The following KIF16B variants were observed in gnomAD, a reference collection of about 807,000 sequenced individuals.
KIF16B encodes kinesin-like protein KIF16B.
KIF16B carries 98 observed loss-of-function variants against 156.3 expected under a neutral mutation model. The ratio of observed to expected loss-of-function variants is 0.63; its 90% confidence interval spans 0.53 to 0.74. The LOEUF (loss-of-function observed/expected upper bound fraction) is 0.74, where lower values mean the gene tolerates loss of function less well. Ranked by LOEUF, KIF16B falls within the 30% of genes least tolerant of loss-of-function variation. KIF16B has a pLI of 0.00. For missense variants in KIF16B, 1,421 were observed against 1,606.5 expected, an observed-to-expected ratio of 0.88 and a Z score of 1.97; for synonymous variants, 564 against 583.7, an observed-to-expected ratio of 0.97 and a Z score of 0.49.
intron 17 of KIF16B, among the ~76,000 whole-genome samples, chr20:16,393,497 C>A (rs906693305): frequency 6.6e-6 from 1 of 152,272 alleles, no homozygotes; most frequent in South Asian, 2.1e-4. Flanking sequence ...TGGAAGCCAG[C>A]CATTGCAGGT....
chr20:16,482,582 T>C (rs2068010411), intron 12 of KIF16B, among the ~76,000 whole-genome samples: 1 of 152,172 alleles, frequency 6.6e-6, no homozygotes, highest in Admixed American at 6.5e-5. Context: ...ACACAGAATT[T>C]GTTGTGTGCC....
chr20:16,289,745 G>A (rs1362241747), intron 25 of KIF16B, among the ~76,000 whole-genome samples: 1 of 152,178 alleles, frequency 6.6e-6, no homozygotes, highest in Admixed American at 6.5e-5. Flanking sequence ...GGAGGCTGAG[G>A]CAGGAGAATG....
At chr20:16,386,010 A>C (rs963227439) in intron 17 of KIF16B, among the ~76,000 whole-genome samples, 4 of 152,168 alleles carry the variant, frequency 2.6e-5, no homozygotes, top group Non-Finnish European at 5.9e-5. Context: ...ATGTTTACAA[A>C]GGGTCATCCA....
chr20:16,445,834 T>G (rs979006617), intron 12 of KIF16B, among the ~76,000 whole-genome samples: 1 of 152,226 alleles, frequency 6.6e-6, no homozygotes, highest in African/African-American at 2.4e-5. Context: ...AGAGTAATTT[T>G]ATAAACATTG....
At chr20:16,455,443 C>A (rs969979916) in intron 12 of KIF16B, among the ~76,000 whole-genome samples, 2 of 151,584 alleles carry the variant, frequency 1.3e-5, no homozygotes, top group African/African-American at 4.8e-5. Flanking sequence ...CTCTGGTAAT[C>A]AGGTGAAGGT....
At chr20:16,500,642 G>A (rs553105335) in intron 10 of KIF16B, among the ~76,000 whole-genome samples, 10 of 152,056 alleles carry the variant, frequency 6.6e-5, no homozygotes, top group South Asian at 4.1e-4. Context: ...ACCCTTTGTC[G>A]TGATAAAGTG....
intron 24 of KIF16B, among the ~76,000 whole-genome samples, chr20:16,330,608 C>T (rs2063931203): frequency 6.6e-6 from 1 of 152,212 alleles, no homozygotes; most frequent in Admixed American, 6.5e-5. Flanking sequence ...CCCAAATATT[C>T]ATCAACAGGA....
At chr20:16,363,299 T>C (rs557980687) in intron 22 of KIF16B, among the ~76,000 whole-genome samples, 1 of 152,182 alleles carries the variant, frequency 6.6e-6, no homozygotes, top group East Asian at 1.9e-4. Context: ...GCTTCAGAGG[T>C]AGAAGGCAAT....
rs773540588 is a variant in KIF16B, at chr20:16,379,915, CTCT to C, written c.2084_2086del (p.Lys695del). ...GCGGAGAAAGGTCTCTTCTTCTTGT[CTCT>C]TCTTCTGCAGCTCGATTTCCTGCTG... On this transcript the variant is annotated inframe_deletion, in exon 19 of 26. Transcript: ENST00000354981. 19 of 1,614,044 alleles carry C rather than the reference CTCT, an allele frequency of 1.2e-5. No homozygotes were observed. Among genetic ancestry groups the C allele is most frequent in the Admixed American group, 6.7e-5 (4 of 60,000 alleles).
chr20:16,428,014 G>T (rs140651017), intron 14 of KIF16B, among the ~76,000 whole-genome samples: 1 of 152,090 alleles, frequency 6.6e-6, no homozygotes, highest in East Asian at 1.9e-4. Context: ...CACAGAAAAC[G>T]TGTGTTCTTA....
At chr20:16,273,790 T>C (rs1371656261) in intron 25 of KIF16B, among the ~76,000 whole-genome samples, 1 of 152,204 alleles carries the variant, frequency 6.6e-6, no homozygotes, top group Admixed American at 6.5e-5. Flanking sequence ...GCTATCATTG[T>C]CATTAAAACC....
At chr20:16,369,245 A>C (rs1357224635) in intron 22 of KIF16B, 1 of 985,736 alleles carries the variant, frequency 1.0e-6, no homozygotes, top group East Asian at 1.1e-4. Flanking sequence ...TCAAGATACC[A>C]TGCTGGGCAA....
chr20:16,488,162 C>T (rs6131829), intron 12 of KIF16B, among the ~76,000 whole-genome samples: 1 of 152,178 alleles, frequency 6.6e-6, no homozygotes, highest in African/African-American at 2.4e-5. Flanking sequence ...CAAAAGGGAC[C>T]TTATTGATTA....
chr20:16,571,327 C>G (rs1260735129), intron 1 of KIF16B, among the ~76,000 whole-genome samples: 1 of 152,210 alleles, frequency 6.6e-6, no homozygotes, highest in African/African-American at 2.4e-5. Flanking sequence ...TCACCTGCCT[C>G]TTACCTCAAT....
Position 16,550,423 on chromosome 20 carries a change from T to C in KIF16B, c.48-21983A>G, listed in dbSNP as rs190388692. The stretch of plus-strand genomic sequence containing the variant: ...TGGGACTGTAAACTAGTTCAACCAT[T>C]GTGGAAGTCAGTGTGGCGATTCCTC... On this transcript the variant is annotated intron_variant, in intron 1 of 25. Coordinates refer to ENST00000354981, the MANE Select transcript of KIF16B (RefSeq NM_024704.5). Among the ~76,000 whole-genome samples, 36 of 152,252 alleles carry C rather than the reference T, an allele frequency of 2.4e-4. 1 individual carries two copies. Among genetic ancestry groups the C allele is most frequent in the Admixed American group, 1.2e-3 (18 of 15,290 alleles).
chr20:16,526,113 T>C lies in KIF16B; in HGVS notation c.210A>G (p.Pro70=), dbSNP rs1195172537. ...FSFYSADTKS[P]DYVSQEMVFK... is the part of the protein sequence containing the mutation. Reference sequence around the variant, plus strand: ...ATACCATTTCTTGTGAAACGTAATCTGGGCTTTTTGTATCAGCAGAATAAA... The same window carrying C: ...ATACCATTTCTTGTGAAACGTAATCCGGGCTTTTTGTATCAGCAGAATAAA... Residue 70 remains proline (P), a synonymous_variant, in exon 3 of 26, where the codon CCA becomes CCG. Coordinates refer to ENST00000354981, the MANE Select transcript of KIF16B (RefSeq NM_024704.5). The C allele has an allele frequency of 1.3e-6, 2 of 1,597,154 alleles. No individual in the cohort carries two copies. Among genetic ancestry groups the C allele is most frequent in the East Asian group, 2.2e-5 (1 of 44,622 alleles).
intron 1 of KIF16B, among the ~76,000 whole-genome samples, chr20:16,563,656 T>C (rs559334641): frequency 2.0e-5 from 3 of 152,178 alleles, no homozygotes; most frequent in African/African-American, 7.2e-5. Flanking sequence ...AAGAAACACA[T>C]ACACACTCGA....
chr20:16,275,435 T>C (rs2063046571), intron 25 of KIF16B, among the ~76,000 whole-genome samples: 1 of 151,538 alleles, frequency 6.6e-6, no homozygotes, highest in African/African-American at 2.4e-5. Context: ...AAGATAAATA[T>C]TTGCATCCCC....
At chr20:16,352,613 C>A (rs1268058737) in intron 23 of KIF16B, among the ~76,000 whole-genome samples, 1 of 152,146 alleles carries the variant, frequency 6.6e-6, no homozygotes. Context: ...TGGCAATGGG[C>A]AGACCAAATT....
Sources: allele counts gnomAD v4.1 joint callset (sites outside exome capture counted in the v4.1 genomes callset), GRCh38; gene constraint gnomAD v4.1.1; transcripts MANE v1.5; gene names NCBI Gene and HGNC (gene_info 2026-07-23, HGNC 2026-07-21).